Variants in DHX40 observed in about 807,000 individuals in gnomAD.
DHX40 encodes probable ATP-dependent RNA helicase DHX40.
A neutral mutation model predicts 89.6 loss-of-function variants in DHX40; 28 were observed. The observed-to-expected ratio is 0.31, with a 90% CI of 0.23 to 0.43. The LOEUF (loss-of-function observed/expected upper bound fraction) is 0.43. Among genes scored for constraint, DHX40 ranks in the 20% least tolerant of loss-of-function variants. The pLI is 1.00. For synonymous variants in DHX40, 226 were observed against 283.6 expected (o/e 0.80, Z 2.04); for missense variants, 457 against 844.0 (o/e 0.54, Z 5.68).
intron 12 of DHX40, among the ~76,000 whole-genome samples, chr17:59,590,270 A>G (rs921462880): frequency 2.7e-5 from 4 of 148,432 alleles, no homozygotes; most frequent in Admixed American, 1.3e-4. Flanking sequence ...GGAGCTTCCA[A>G]GTGAACAGTA....
chr17:59,607,283 T>C lies in DHX40; in HGVS notation c.*111T>C, dbSNP rs1452053346. On this transcript the variant is annotated 3_prime_UTR_variant, in exon 18 of 18. Transcript: ENST00000251241. ...AAGAGGAGGTGGTCAGCACTTGTTA[T>C]TGGCCTATGAACTAAAAGCAAATCA... 1.2e-6 allele frequency: 2 copies of C among 1,602,958 alleles called. No individual in the cohort carries two copies. Among genetic ancestry groups the C allele is most frequent in the South Asian group, 1.1e-5 (1 of 90,526 alleles).
chr17:59,581,937 G>T lies in DHX40; in HGVS notation c.1343+2058G>T, dbSNP rs962828059. On this transcript the variant is annotated intron_variant, in intron 10 of 17. Coordinates refer to ENST00000251241, the MANE Select transcript of DHX40 (RefSeq NM_024612.5). ...GGAAAGAGAAAAGCATGTAATAAAT[G>T]AAATTCTGACTGTAGCAATAAATTA... 2.5e-5 allele frequency among the ~76,000 whole-genome samples: 3 copies of T among 118,516 alleles called. 1 individual carries two copies. The highest frequency in any genetic ancestry group is 1.2e-4 in the African/African-American group (3 of 25,076). The allele number at this position is 118,516 out of a possible 152,430, so 77.8% of individuals were successfully genotyped here.
At chr17:59,601,398 T>A (rs755804449) in intron 14 of DHX40, among the ~76,000 whole-genome samples, 14 of 152,146 alleles carry the variant, frequency 9.2e-5, no homozygotes, top group Non-Finnish European at 2.1e-4. Flanking sequence ...TATGAGTGTT[T>A]TCTGTTTGCC....
chr17:59,587,972 A>C lies in DHX40; in HGVS notation c.1501A>C (p.Lys501Gln). 1 of 1,613,730 alleles carries C rather than the reference A, an allele frequency of 6.2e-7. No individual in the cohort carries two copies. Among genetic ancestry groups the C allele is most frequent in the South Asian group, 1.1e-5 (1 of 91,062 alleles). Residue 501 changes from lysine to glutamine, a missense_variant, in exon 12 of 18, where the codon AAA becomes CAA. Coordinates refer to ENST00000251241, the MANE Select transcript of DHX40 (RefSeq NM_024612.5). ...TCCACATCTGACATGTGCAGTAATAAAAGCTGCTTCCCTGGATTGTGAAGA... is the reference window on the plus strand; with the variant it reads ...TCCACATCTGACATGTGCAGTAATACAAGCTGCTTCCCTGGATTGTGAAGA... ...LPPHLTCAVIKAASLDCEDLL... is the reference protein window; with the variant it reads ...LPPHLTCAVIQAASLDCEDLL...
chr17:59,593,510 C>G (rs1352262334), intron 12 of DHX40, among the ~76,000 whole-genome samples: 4 of 48,766 alleles, frequency 8.2e-5, no homozygotes, highest in African/African-American at 3.6e-4. Context: ...GAGTCTTGCT[C>G]TGTCGCCCAG....
chr17:59,591,640 C>G (rs2049083938), intron 12 of DHX40, among the ~76,000 whole-genome samples: 1 of 151,008 alleles, frequency 6.6e-6, no homozygotes, highest in African/African-American at 2.4e-5. Context: ...AAAGGAATTC[C>G]TTTATACCTT....
chr17:59,605,500 A>G lies in DHX40; in HGVS notation c.2026A>G (p.Thr676Ala). The G allele has an allele frequency of 2.5e-6, 4 of 1,614,148 alleles. 1 individual carries two copies. Among genetic ancestry groups the G allele is most frequent in the Non-Finnish European group, 3.4e-6 (4 of 1,179,980 alleles). ...GATCATTTTTCATGAGGTATTGGTT[A>G]CCACCAAAGTCTACGCAAGAATTGT... ...EWIIFHEVLV[T>A]TKVYARIVCP... The change falls in exon 17 of 18, where the codon ACC (threonine) becomes GCC (alanine). Residue 676 changes from threonine to alanine, a missense_variant. Physicochemically the swap from Thr to Ala is moderately conservative, Grantham distance 58. This residue lies in a region of DHX40 where 120 missense variants were observed against 161.7 expected (regional missense o/e 0.74). Coordinates refer to ENST00000251241, the MANE Select transcript of DHX40 (RefSeq NM_024612.5).
intron 11 of DHX40, among the ~76,000 whole-genome samples, chr17:59,586,984 C>T (rs1161749780): frequency 6.6e-6 from 1 of 152,032 alleles, no homozygotes; most frequent in African/African-American, 2.4e-5. Context: ...TAAAACCCAT[C>T]TCTACTGAAA....
At chr17:59,601,400 C>G (rs2030518478) in intron 14 of DHX40, among the ~76,000 whole-genome samples, 1 of 152,046 alleles carries the variant, frequency 6.6e-6, no homozygotes, top group Non-Finnish European at 1.5e-5. Context: ...TGAGTGTTTT[C>G]TGTTTGCCTT....
chr17:59,587,836 A>G, intron 11 of DHX40, 60 bp from the exon 12 acceptor site: 4 of 1,531,732 alleles, frequency 2.6e-6, no homozygotes, highest in Non-Finnish European at 3.6e-6. Context: ...CTGAATGATG[A>G]ATGTTACATT....
chr17:59,591,733 A>AT (rs1249329646), intron 12 of DHX40, among the ~76,000 whole-genome samples: 1 of 151,740 alleles, frequency 6.6e-6, no homozygotes, highest in Admixed American at 6.6e-5. Context: ...ATATAAATGG[A>AT]TTTTTTTCTT....
At chr17:59,565,876 G>C (rs2048697469) in intron 1 of DHX40, 93 bp downstream of exon 1, 1 of 1,077,794 alleles carries the variant, frequency 9.3e-7, no homozygotes, top group African/African-American at 1.6e-5. Context: ...AGGCTGAGAA[G>C]AGTAGTGAGG....
chr17:59,606,002 C>T (rs889786148), intron 17 of DHX40, among the ~76,000 whole-genome samples: 6 of 151,832 alleles, frequency 4.0e-5, no homozygotes, highest in Non-Finnish European at 8.8e-5. Context: ...GCATTATTAA[C>T]TCAGAATCCC....
At position 59,598,472 on chromosome 17, in the gene DHX40, A is replaced by T. The variant is rs1466538031; in HGVS notation, c.1583-265A>T. Among the ~76,000 whole-genome samples the T allele has an allele frequency of 3.9e-5, 6 of 152,234 alleles. No homozygotes were observed. The South Asian group carries it at 1.2e-3, about 32-fold the overall frequency. On this transcript the variant is annotated intron_variant, in intron 12 of 17. Transcript: ENST00000251241. ...CTCTTATAACAAAACTAATTTAAAA[A>T]GTAAATTACAAATACTATTTTTAAA...
intron 14 of DHX40, among the ~76,000 whole-genome samples, chr17:59,601,943 T>A (rs1344901673): frequency 1.3e-5 from 2 of 152,172 alleles, no homozygotes; most frequent in Non-Finnish European, 2.9e-5. Context: ...CTCATGTGGC[T>A]TATAGGAACA....
rs1208889022 is a variant in DHX40, at chr17:59,579,045, A to G, written c.1074-427A>G. On this transcript the variant is annotated intron_variant, in intron 8 of 17. Transcript: ENST00000251241. ...GTATATATGCGTGTGTATATATACT[A>G]CATACATATATGCAAAGCAATTTGT... is the stretch of plus-strand genomic sequence containing the variant. 3.6e-5 allele frequency among the ~76,000 whole-genome samples: 5 copies of G among 137,894 alleles called. 1 individual carries two copies. The highest frequency in any genetic ancestry group is 7.7e-5 in the Non-Finnish European group (5 of 64,538). The allele number at this position is 137,894 out of a possible 152,430, so 90.5% of individuals were successfully genotyped here.
chr17:59,579,076 C>A (rs926465624), intron 8 of DHX40, among the ~76,000 whole-genome samples: 6 of 120,760 alleles, frequency 5.0e-5, no homozygotes, highest in Non-Finnish European at 1.0e-4. Flanking sequence ...TTTGTTCATC[C>A]CTTCTTCCAT....
chr17:59,588,782 G>A (rs1043487465), intron 12 of DHX40, among the ~76,000 whole-genome samples: 3 of 151,998 alleles, frequency 2.0e-5, no homozygotes, highest in Non-Finnish European at 2.9e-5. Flanking sequence ...TATTTTTGAC[G>A]AAGTCTACCT....
chr17:59,570,717 C>G, intron 3 of DHX40, 54 bp downstream of exon 3: 2 of 1,547,674 alleles, frequency 1.3e-6, no homozygotes. Flanking sequence ...CAGGGTCTTG[C>G]TCTGTCGCCC....
Sources: allele counts gnomAD v4.1 joint callset (sites outside exome capture counted in the v4.1 genomes callset), GRCh38; gene constraint gnomAD v4.1.1; regional missense constraint gnomAD v4.1.1; transcripts MANE v1.5; gene names NCBI Gene and HGNC (gene_info 2026-07-23, HGNC 2026-07-21).